Variants in C2CD2 observed in about 807,000 individuals in gnomAD.
C2CD2 encodes C2 calcium dependent domain containing 2.
A neutral mutation model predicts 74.3 loss-of-function variants in C2CD2; 43 were observed. That is an observed-to-expected ratio of 0.58 (90% CI 0.45 to 0.75). C2CD2 has a LOEUF of 0.75. C2CD2 is among the 30% of genes least tolerant of loss of function. The pLI is 0.00. For synonymous variants in C2CD2, 422 were observed against 390.7 expected, an observed-to-expected ratio of 1.08 and a Z score of -0.94; for missense variants, 801 against 916.3, an observed-to-expected ratio of 0.87 and a Z score of 1.63.
intron 13 of C2CD2, among the ~76,000 whole-genome samples, chr21:41,891,905 G>A (rs2064759490): frequency 6.6e-6 from 1 of 152,152 alleles, no homozygotes. Context: ...AGGCGTCCCT[G>A]CACTGAAGCT....
Position 41,907,756 on chromosome 21 carries a change from C to G in C2CD2, c.1047G>C (p.Leu349=), listed in dbSNP as rs750937942. The G allele has an allele frequency of 7.4e-6, 12 of 1,613,766 alleles. No homozygotes were observed. The highest frequency in any genetic ancestry group is 1.7e-6 in the Non-Finnish European group (2 of 1,179,954). The part of the protein sequence containing the change: ...EGLLATATVP[L]DLFKKQPSGP... Reference sequence around the variant, plus strand: ...CAGAAGGCTGCTTCTTAAATAAGTCCAGAGGAACTGTCGCCGTCGCCAGCA... The same window carrying G: ...CAGAAGGCTGCTTCTTAAATAAGTCGAGAGGAACTGTCGCCGTCGCCAGCA... The change falls in exon 9 of 14, where the codon CTG becomes CTC. Residue 349 remains leucine (L), a synonymous_variant. Coordinates refer to ENST00000380486, the MANE Select transcript of C2CD2 (RefSeq NM_015500.2).
chr21:41,937,329 G>A (rs1309170175), intron 2 of C2CD2, among the ~76,000 whole-genome samples: 1 of 151,724 alleles, frequency 6.6e-6, no homozygotes, highest in East Asian at 1.9e-4. Flanking sequence ...AAGTTGGCCA[G>A]GCTGGTCTCG....
At chr21:41,928,563 A>AAAAAAAAAAAC (rs2065236266) in intron 2 of C2CD2, among the ~76,000 whole-genome samples, 2 of 150,708 alleles carry the variant, frequency 1.3e-5, no homozygotes, top group Non-Finnish European at 3.0e-5. Flanking sequence ...AAAAAAAAAA[A>AAAAAAAAAAAC]AAAAAGACAA....
intron 5 of C2CD2, among the ~76,000 whole-genome samples, chr21:41,915,729 C>A (rs928970684): frequency 2.0e-4 from 31 of 152,230 alleles, no homozygotes; most frequent in African/African-American, 7.5e-4. Flanking sequence ...CATGAGCCAC[C>A]ACGCCTGGCC....
At chr21:41,937,220 C>A (rs2065316454) in intron 2 of C2CD2, among the ~76,000 whole-genome samples, 1 of 151,686 alleles carries the variant, frequency 6.6e-6, no homozygotes, top group South Asian at 2.1e-4. Flanking sequence ...CAGGTTCAAG[C>A]AATTCTCTGC....
At chr21:41,897,501 G>A (rs896620283) in intron 13 of C2CD2, among the ~76,000 whole-genome samples, 1 of 152,188 alleles carries the variant, frequency 6.6e-6, no homozygotes, top group Non-Finnish European at 1.5e-5. Flanking sequence ...GAGCACAGGA[G>A]CCTGCCACAG....
chr21:41,949,611 ACC>A (rs1398063416), intron 1 of C2CD2, among the ~76,000 whole-genome samples: 3 of 152,202 alleles, frequency 2.0e-5, no homozygotes, highest in Admixed American at 6.5e-5. Context: ...AACTACAAAT[ACC>A]ATTTGACCCA....
intron 11 of C2CD2, among the ~76,000 whole-genome samples, chr21:41,905,369 G>A (rs915986617): frequency 1.4e-5 from 2 of 146,872 alleles, no homozygotes; most frequent in Non-Finnish European, 3.0e-5. Flanking sequence ...CCAGGTTGGA[G>A]TGCAGTGGTG....
rs201458367 is a variant in C2CD2, at chr21:41,904,936, A to T, written c.1432+788T>A. 1.1e-4 allele frequency among the ~76,000 whole-genome samples: 17 copies of T among 152,126 alleles called. No individual in the cohort carries two copies. The South Asian group carries it at 3.5e-3, about 32-fold the overall frequency. The stretch of plus-strand genomic sequence containing the variant: ...GAGTCAGTAAGACATCTCTTCAAAA[A>T]GTCTATTACCTGAAACTGACCATAA... On this transcript the variant is annotated intron_variant, in intron 11 of 13. Transcript: ENST00000380486.
intron 11 of C2CD2, among the ~76,000 whole-genome samples, chr21:41,904,925 T>A (rs897634939): frequency 1.5e-5 from 1 of 68,222 alleles, no homozygotes; most frequent in African/African-American, 1.0e-4. Context: ...CAGTAAGACA[T>A]CTCTTCAAAA....
chr21:41,889,827 G>A (rs1046090493), intron 13 of C2CD2, among the ~76,000 whole-genome samples: 1 of 151,920 alleles, frequency 6.6e-6, no homozygotes, highest in African/African-American at 2.4e-5. Context: ...TAGAGACAGG[G>A]TTTCACCATG....
chr21:41,938,011 C>T (rs968887638), intron 2 of C2CD2, among the ~76,000 whole-genome samples: 3 of 152,090 alleles, frequency 2.0e-5, no homozygotes, highest in African/African-American at 7.2e-5. Context: ...AGAAGGAACA[C>T]GTTCAAGAGA....
chr21:41,912,499 T>TATTTA lies in C2CD2; in HGVS notation c.845-60_845-59insTAAAT. 5.8e-6 allele frequency: 5 copies of TATTTA among 862,928 alleles called. No individual in the cohort carries two copies. In the South Asian group the frequency reaches 1.1e-4, roughly 19 times the overall value. 53.5% of individuals were successfully genotyped at this position (862,928 alleles called of 1,614,324 possible). A position where few individuals can be genotyped will look rare whatever the true frequency, so the allele number is the denominator to read the frequency against. ...TTATTTTTATTATTTATTTATTTTT[T>TATTTA]TTTTTTTTTGAGACAGAGTCTCGCT... On this transcript the variant is annotated intron_variant, in intron 6 of 13. Coordinates refer to ENST00000380486, the MANE Select transcript of C2CD2 (RefSeq NM_015500.2).
At chr21:41,942,283 G>A (rs1375333087) in intron 1 of C2CD2, 38 bp from the exon 2 acceptor site, 6 of 1,442,348 alleles carry the variant, frequency 4.2e-6, no homozygotes, top group Non-Finnish European at 5.7e-6. Context: ...GCATGCACAG[G>A]AGGGGCTGCA....
intron 5 of C2CD2, among the ~76,000 whole-genome samples, 166 bp downstream of exon 5, chr21:41,917,939 G>C (rs1289599045): frequency 6.6e-6 from 1 of 152,082 alleles, no homozygotes; most frequent in South Asian, 2.1e-4. Context: ...CCAAACCCAA[G>C]GCTTTATCCC....
rs992748013 is a variant in C2CD2 at position 41,926,395 on chromosome 21, G to A, written c.379-4310C>T. 1 of 980,160 alleles carries A rather than the reference G, an allele frequency of 1.0e-6. No individual in the cohort carries two copies. Among genetic ancestry groups the A allele is most frequent in the Non-Finnish European group, 1.2e-6 (1 of 825,166 alleles). The allele number at this position is 980,160 out of a possible 1,614,324, so 60.7% of individuals were successfully genotyped here. A position where few individuals can be genotyped will look rare whatever the true frequency, so the allele number is the denominator to read the frequency against. ...GTCTCCACATGGAAAGGCCAAGGGGGGACTCACGGTTGGCAGGTGAGGGTT... is the reference window on the plus strand; with the variant it reads ...GTCTCCACATGGAAAGGCCAAGGGGAGACTCACGGTTGGCAGGTGAGGGTT... On this transcript the variant is annotated intron_variant, in intron 2 of 13. Coordinates refer to ENST00000380486, the MANE Select transcript of C2CD2 (RefSeq NM_015500.2). This position sits in a 1 kb window ranked among gnomAD's most constrained non-coding sequence, Gnocchi z 8.0.
rs376567426 is a variant in C2CD2, at chr21:41,914,608, G to A, written c.834C>T (p.Pro278=). 187 of 1,613,288 alleles carry A rather than the reference G, an allele frequency of 1.2e-4. No homozygotes were observed. The highest frequency in any genetic ancestry group is 1.4e-4 in the Non-Finnish European group (170 of 1,179,646). The change falls in exon 6 of 14, where the codon CCC becomes CCT. Residue 278 remains proline (P), a synonymous_variant. Coordinates refer to ENST00000380486, the MANE Select transcript of C2CD2 (RefSeq NM_015500.2). ...RNIHVLLLSE[P]GASGHINAVC... is the part of the protein sequence containing the mutation. ...CCCATCGTCACCCACCTGAGGCACC[G>A]GGCTCGCTGAGCAGCAAGACGTGGA...
chr21:41,893,830 C>T (rs2064788360), intron 13 of C2CD2, among the ~76,000 whole-genome samples: 1 of 151,388 alleles, frequency 6.6e-6, no homozygotes, highest in Non-Finnish European at 1.5e-5. Context: ...GCCTCCCAAG[C>T]AGCTGGGATT....
chr21:41,909,090 A>T (rs1279821835), intron 8 of C2CD2, among the ~76,000 whole-genome samples: 1 of 152,190 alleles, frequency 6.6e-6, no homozygotes, highest in Non-Finnish European at 1.5e-5. Flanking sequence ...AAGACGATAC[A>T]TTTTATGTTG....
Sources: gnomAD v4.1 joint callset for allele counts (sites outside exome capture counted in the v4.1 genomes callset) on GRCh38, gnomAD v4.1.1 for gene constraint, Gnocchi (gnomAD v3.1) non-coding constraint, MANE v1.5 for transcripts, NCBI Gene and HGNC (gene_info 2026-07-23, HGNC 2026-07-21) for gene names.